The following C12orf54 variants were observed in gnomAD, a reference collection of about 807,000 sequenced individuals.
C12orf54 encodes uncharacterized protein C12orf54.
In C12orf54, 24 loss-of-function variants were observed where a neutral mutation model predicts 26.4. The observed-to-expected ratio is 0.91, with a 90% confidence interval of 0.66 to 1.28. The LOEUF (loss-of-function observed/expected upper bound fraction) is 1.28, where lower values mean the gene tolerates loss of function less well. Among genes scored for constraint, C12orf54 ranks in the 50% most tolerant of loss-of-function variants. The pLI is 0.00. For missense variants in C12orf54, 154 were observed against 150.9 expected (o/e 1.02, Z -0.11); for synonymous variants, 54 against 47.0 (o/e 1.15, Z -0.61).
At chr12:48,453,812 T>A in the C12orf54 span, among the ~76,000 whole-genome samples, 4 of 151,686 alleles carry the variant, frequency 2.6e-5, no homozygotes, top group African/African-American at 7.2e-5. Flanking sequence ...TATATTCATC[T>A]ATCTACCTAC....
the C12orf54 span, among the ~76,000 whole-genome samples, chr12:48,468,404 ACTGTGTG>A: frequency 1.3e-5 from 2 of 152,146 alleles, no homozygotes; most frequent in South Asian, 4.1e-4. Context: ...ACATGGAAGG[ACTGTGTG>A]CTTTGTCCTA....
chr12:48,436,480 C>A, the C12orf54 span, among the ~76,000 whole-genome samples: 9 of 152,272 alleles, frequency 5.9e-5, 1 homozygote, highest in South Asian at 1.9e-3. Context: ...CACACCACAC[C>A]TATTCCAAAT....
At chr12:48,438,802 C>G in the C12orf54 span, among the ~76,000 whole-genome samples, 1 of 152,160 alleles carries the variant, frequency 6.6e-6, no homozygotes, top group Non-Finnish European at 1.5e-5. Flanking sequence ...CATAAAAACC[C>G]TAGAAGAAAA....
chr12:48,440,230 A>G, the C12orf54 span, among the ~76,000 whole-genome samples: 1 of 152,184 alleles, frequency 6.6e-6, no homozygotes, highest in African/African-American at 2.4e-5. Context: ...ATCTCAAAAA[A>G]AAAAAAGAAA....
At chr12:48,466,727 T>C in the C12orf54 span, among the ~76,000 whole-genome samples, 2 of 152,052 alleles carry the variant, frequency 1.3e-5, no homozygotes, top group Non-Finnish European at 2.9e-5. Context: ...CATACACTGG[T>C]AGTAGGAATG....
At chr12:48,433,499 G>A in the C12orf54 span, among the ~76,000 whole-genome samples, 1 of 151,284 alleles carries the variant, frequency 6.6e-6, no homozygotes, top group Non-Finnish European at 1.5e-5. Context: ...CCAGGCTGGA[G>A]TGCAGTGGCT....
At chr12:48,466,457 A>T in the C12orf54 span, among the ~76,000 whole-genome samples, 4 of 152,242 alleles carry the variant, frequency 2.6e-5, no homozygotes, top group East Asian at 7.7e-4. Context: ...AGGCAGGAGA[A>T]TTGCTTGAAC....
the C12orf54 span, among the ~76,000 whole-genome samples, chr12:48,435,712 G>C: frequency 3.3e-5 from 5 of 152,164 alleles, no homozygotes; most frequent in East Asian, 7.7e-4. Context: ...AGCAAATGCT[G>C]AGAGATTTTG....
the C12orf54 span, among the ~76,000 whole-genome samples, chr12:48,437,894 T>C: frequency 6.6e-6 from 1 of 152,112 alleles, no homozygotes; most frequent in Non-Finnish European, 1.5e-5. Context: ...TGTTGGAAGT[T>C]CTGGCCAGGG....
At chr12:48,434,703 T>C in the C12orf54 span, among the ~76,000 whole-genome samples, 1 of 152,326 alleles carries the variant, frequency 6.6e-6, no homozygotes. Flanking sequence ...CTGAGGGTCC[T>C]GACTGTTAGA....
chr12:48,492,044 T>C (rs1353577766), intron 6 of C12orf54, among the ~76,000 whole-genome samples: 2 of 152,106 alleles, frequency 1.3e-5, no homozygotes, highest in Non-Finnish European at 2.9e-5. Context: ...TAAGATTGAA[T>C]TCAAGGATTT....
At chr12:48,439,176 T>C in the C12orf54 span, among the ~76,000 whole-genome samples, 1 of 152,068 alleles carries the variant, frequency 6.6e-6, no homozygotes, top group Admixed American at 6.5e-5. Context: ...ATCAGAGAAA[T>C]GCAAATCGAA....
the C12orf54 span, among the ~76,000 whole-genome samples, chr12:48,473,779 T>A: frequency 2.0e-5 from 3 of 152,210 alleles, no homozygotes; most frequent in Admixed American, 2.0e-4. Context: ...TGGGTGGAAG[T>A]CCGCGGCTGG....
intron 2 of C12orf54, chr12:48,483,569 C>G: frequency 1.9e-6 from 1 of 522,318 alleles, no homozygotes; most frequent in South Asian, 2.6e-5. Context: ...ATTTAGAAAT[C>G]AGGCATCAAT....
At chr12:48,437,169 T>C in the C12orf54 span, among the ~76,000 whole-genome samples, 2 of 152,236 alleles carry the variant, frequency 1.3e-5, no homozygotes, top group African/African-American at 4.8e-5. Context: ...GATAAATTCC[T>C]GGACACATAC....
the C12orf54 span, among the ~76,000 whole-genome samples, chr12:48,418,612 G>T: frequency 1.6e-3 from 239 of 152,276 alleles, no homozygotes; most frequent in African/African-American, 5.3e-3. Flanking sequence ...GGAATGGTTG[G>T]CTTGGGAACA....
upstream of C12orf54, among the ~76,000 whole-genome samples, chr12:48,479,665 G>C (rs191124893): frequency 4.0e-5 from 6 of 151,488 alleles, no homozygotes; most frequent in Admixed American, 2.6e-4. Context: ...TTCTTACCTA[G>C]TGGAAATCTG....
the C12orf54 span, among the ~76,000 whole-genome samples, chr12:48,474,217 T>G: frequency 6.6e-6 from 1 of 152,354 alleles, no homozygotes; most frequent in South Asian, 2.1e-4. Context: ...AGAATTCTTC[T>G]ACATGTATTT....
At chr12:48,433,516 C>T in the C12orf54 span, among the ~76,000 whole-genome samples, 43 of 151,456 alleles carry the variant, frequency 2.8e-4, no homozygotes, top group African/African-American at 9.5e-4. Flanking sequence ...GGCTCAATCT[C>T]GGCTCACTGC....
Sources: allele counts gnomAD v4.1 joint callset (sites outside exome capture counted in the v4.1 genomes callset), GRCh38; gene constraint gnomAD v4.1.1; transcripts MANE v1.5; gene names NCBI Gene and HGNC (gene_info 2026-07-23, HGNC 2026-07-21).